The following RP1 variants were observed in gnomAD, a reference collection of about 807,000 sequenced individuals.
RP1 encodes oxygen-regulated protein 1.
In RP1, 16 loss-of-function variants were observed where a neutral mutation model predicts 14.8. The observed-to-expected ratio is 1.08, with a 90% confidence interval of 0.73 to 1.65. The LOEUF is 1.65. Among genes scored for constraint, RP1 ranks in the 40% most tolerant of loss-of-function variants. The pLI, the probability that RP1 is intolerant of heterozygous loss-of-function variation, is 0.00. For synonymous variants in RP1, 876 were observed against 883.6 expected (o/e 0.99, Z 0.15); for missense variants, 2,631 against 2,535.0 (o/e 1.04, Z -0.81).
At chr8:54,644,762 C>T (rs975741266) in intron 3 of RP1, among the ~76,000 whole-genome samples, 1 of 152,178 alleles carries the variant, frequency 6.6e-6, no homozygotes, top group Admixed American at 6.5e-5. Context: ...AGAATTTATT[C>T]ATTCATAGTT....
intron 25 of RP1, among the ~76,000 whole-genome samples, chr8:54,851,278 A>G (rs776615361): frequency 3.3e-5 from 5 of 152,098 alleles, no homozygotes; most frequent in Non-Finnish European, 5.9e-5. Context: ...TTGTGTTCTA[A>G]ATGCTTTTTT....
intron 22 of RP1, among the ~76,000 whole-genome samples, chr8:54,764,958 A>C (rs1201296216): frequency 6.6e-6 from 1 of 152,096 alleles, no homozygotes; most frequent in Non-Finnish European, 1.5e-5. Flanking sequence ...TTTTAAGCAA[A>C]ATGCAGTTTA....
At chr8:54,566,523 C>A (rs1416048403) in intron 1 of RP1, among the ~76,000 whole-genome samples, 2 of 152,186 alleles carry the variant, frequency 1.3e-5, no homozygotes, top group African/African-American at 2.4e-5. Context: ...CCTTCTCCCC[C>A]AGGAAGGAGT....
intron 24 of RP1, among the ~76,000 whole-genome samples, chr8:54,820,123 C>A (rs1811221562): frequency 6.6e-6 from 1 of 152,060 alleles, no homozygotes; most frequent in African/African-American, 2.4e-5. Flanking sequence ...CTTTAGGAAT[C>A]TGCTTGGTGC....
chr8:54,791,133 C>T (rs533719774), intron 24 of RP1, among the ~76,000 whole-genome samples: 14 of 152,238 alleles, frequency 9.2e-5, no homozygotes, highest in Middle Eastern at 3.4e-3. Context: ...TACAGTGGAG[C>T]CTCCACAAGA....
At chr8:54,862,039 C>T (rs553597924) in intron 27 of RP1, among the ~76,000 whole-genome samples, 1 of 152,092 alleles carries the variant, frequency 6.6e-6, no homozygotes, top group Non-Finnish European at 1.5e-5. Flanking sequence ...GGTGTTACTA[C>T]CAGCACATAG....
chr8:54,852,184 C>T (rs1258004919), intron 25 of RP1, among the ~76,000 whole-genome samples: 1 of 151,954 alleles, frequency 6.6e-6, no homozygotes, highest in Non-Finnish European at 1.5e-5. Flanking sequence ...GAAGTAGCAG[C>T]ATGAGTGACC....
chr8:54,734,738 G>T (rs1169232532), exon 18 of RP1: 1 of 1,528,642 alleles, frequency 6.5e-7, no homozygotes, highest in South Asian at 1.2e-5. Context: ...ACGAGGATGA[G>T]TTTCAGGTAA....
chr8:54,853,925 G>A (rs1214203378), intron 26 of RP1, among the ~76,000 whole-genome samples: 6 of 140,778 alleles, frequency 4.3e-5, no homozygotes, highest in Non-Finnish European at 7.7e-5. Context: ...AAGAAAAAAG[G>A]GAGAGAGAGA....
At chr8:54,807,268 C>T (rs1407482531) in intron 24 of RP1, among the ~76,000 whole-genome samples, 1 of 151,834 alleles carries the variant, frequency 6.6e-6, no homozygotes, top group African/African-American at 2.4e-5. Flanking sequence ...TCAAACATTG[C>T]AAAAAACAGA....
At chr8:54,844,007 C>T (rs921352985) in intron 25 of RP1, among the ~76,000 whole-genome samples, 1 of 152,204 alleles carries the variant, frequency 6.6e-6, no homozygotes, top group Non-Finnish European at 1.5e-5. Flanking sequence ...ATTGTGTGCT[C>T]TGTGATAAGG....
At chr8:54,743,428 T>A (rs1809147050) in intron 19 of RP1, among the ~76,000 whole-genome samples, 1 of 152,188 alleles carries the variant, frequency 6.6e-6, no homozygotes, top group African/African-American at 2.4e-5. Context: ...ATTTTTATAT[T>A]CTATTGTTAT....
At chr8:54,638,880 T>TTCTA (rs1554520518) in intron 3 of RP1, among the ~76,000 whole-genome samples, 4 of 120,206 alleles carry the variant, frequency 3.3e-5, no homozygotes, top group African/African-American at 1.4e-4. Context: ...TTTAATTTTC[T>TTCTA]TCTCTCTCTC....
chr8:54,835,560 A>T (rs1017224940), intron 24 of RP1, among the ~76,000 whole-genome samples: 1 of 151,936 alleles, frequency 6.6e-6, no homozygotes, highest in Non-Finnish European at 1.5e-5. Flanking sequence ...AGATATATTT[A>T]GACCACTTAT....
At chr8:54,791,667 T>C (rs764353875) in intron 24 of RP1, among the ~76,000 whole-genome samples, 1 of 152,032 alleles carries the variant, frequency 6.6e-6, no homozygotes, top group African/African-American at 2.4e-5. Context: ...AATGATAAGA[T>C]ATTTTATGCA....
intron 4 of RP1, among the ~76,000 whole-genome samples, chr8:54,651,161 C>T (rs1254382023): frequency 2.0e-5 from 3 of 152,022 alleles, no homozygotes; most frequent in South Asian, 2.1e-4. Context: ...TTTATTATAA[C>T]GTATAATCTT....
chr8:54,808,278 T>C (rs62516272), intron 24 of RP1, among the ~76,000 whole-genome samples: 40,584 of 152,126 alleles, frequency 0.27, 6,359 homozygotes, highest in Middle Eastern at 0.47. Flanking sequence ...CCCACTGCCC[T>C]CTAACTACCT....
chr8:54,709,730 G>A (rs554560820), intron 15 of RP1, among the ~76,000 whole-genome samples: 1 of 152,174 alleles, frequency 6.6e-6, no homozygotes, highest in Admixed American at 6.5e-5. Flanking sequence ...GGTTACATGA[G>A]CCTTGTCCAG....
chr8:54,736,888 T>C (rs1172060119), intron 18 of RP1, among the ~76,000 whole-genome samples: 1 of 152,152 alleles, frequency 6.6e-6, no homozygotes. Context: ...TAGGGGTTAA[T>C]GGGCACTCAT....
Sources: gnomAD v4.1 joint callset for allele counts (sites outside exome capture counted in the v4.1 genomes callset) on GRCh38, gnomAD v4.1.1 for gene constraint, MANE v1.5 for transcripts, NCBI Gene and HGNC (gene_info 2026-07-23, HGNC 2026-07-21) for gene names.